Variants in STIMATE observed in about 807,000 individuals in gnomAD.
STIMATE encodes the protein STIM activating enhancer, also known as store-operated calcium entry regulator STIMATE.
A neutral mutation model predicts 36.7 loss-of-function variants in STIMATE; 15 were observed. The observed-to-expected ratio is 0.41, with a 90% CI of 0.27 to 0.63. STIMATE has a LOEUF of 0.63. Among genes scored for constraint, STIMATE ranks in the 20% least tolerant of loss-of-function variants. The pLI is 0.32. For synonymous variants in STIMATE, 163 were observed against 162.3 expected (o/e 1.00, Z -0.03); for missense variants, 305 against 397.3 (o/e 0.77, Z 1.98).
At chr3:52,876,195 G>A (rs1701501198) in intron 1 of STIMATE, among the ~76,000 whole-genome samples, 1 of 152,168 alleles carries the variant, frequency 6.6e-6, no homozygotes, top group African/African-American at 2.4e-5. Context: ...ATTTTCAGAT[G>A]GCAAAACTGA....
chr3:52,897,202 T>C (rs1195650089), intron 1 of STIMATE, 89 bp downstream of exon 1: 7 of 1,484,768 alleles, frequency 4.7e-6, no homozygotes, highest in South Asian at 2.5e-5. Context: ...TCCCAAGGCC[T>C]GAACTCTCCG....
intron 1 of STIMATE, among the ~76,000 whole-genome samples, chr3:52,880,167 G>C (rs571618059): frequency 8.6e-4 from 131 of 152,268 alleles, no homozygotes; most frequent in Non-Finnish European, 1.8e-3. Flanking sequence ...TTAGGGCCCG[G>C]GTGGGGCCCT....
chr3:52,894,192 A>G (rs1315829172), intron 1 of STIMATE, among the ~76,000 whole-genome samples: 2 of 152,244 alleles, frequency 1.3e-5, no homozygotes, highest in Admixed American at 6.5e-5. Context: ...CTAAGTGGAA[A>G]GTATCTTCAT....
chr3:52,862,816 C>G (rs543302653), intron 1 of STIMATE, among the ~76,000 whole-genome samples: 10 of 152,034 alleles, frequency 6.6e-5, no homozygotes, highest in Non-Finnish European at 1.3e-4. Flanking sequence ...TCATTCTGGA[C>G]TAATCTGGTG....
chr3:52,840,698 A>AAAT, intron 7 of STIMATE, 88 bp from the exon 8 acceptor site: 1 of 1,050,024 alleles, frequency 9.5e-7, no homozygotes, highest in Non-Finnish European at 1.3e-6. Flanking sequence ...TTCAAGTCTC[A>AAAT]TGTTTTTTTT....
At position 52,836,904 on chromosome 3, in the gene STIMATE, A is replaced by G. The variant is rs1446664781; in HGVS notation, c.*3590T>C. 4.6e-6 allele frequency: 1 copy of G among 216,178 alleles called. No individual in the cohort carries two copies. Among genetic ancestry groups the G allele is most frequent in the South Asian group, 6.4e-5 (1 of 15,624 alleles). The allele number at this position is 216,178 out of a possible 1,614,324, so 13.4% of individuals were successfully genotyped here. On this transcript the variant is annotated 3_prime_UTR_variant, in exon 8 of 8. Transcript: ENST00000355083. ...TGAAGTGGGCCATGGTTTTCCTTGC[A>G]TAGGTCTGACTTCTAACAAACTTCA...
chr3:52,846,128 G>C (rs1700895494), intron 4 of STIMATE, among the ~76,000 whole-genome samples: 1 of 152,230 alleles, frequency 6.6e-6, no homozygotes, highest in Non-Finnish European at 1.5e-5. Context: ...ACTTTATGCA[G>C]CTGCAATGGA....
chr3:52,885,283 A>T (rs1434328327), intron 1 of STIMATE, among the ~76,000 whole-genome samples: 1 of 151,916 alleles, frequency 6.6e-6, no homozygotes, highest in Non-Finnish European at 1.5e-5. Context: ...GAGTTCTAAG[A>T]ATTCTTTACA....
chr3:52,896,019 A>G, intron 1 of STIMATE: 1 of 1,179,726 alleles, frequency 8.5e-7, no homozygotes, highest in Non-Finnish European at 1.1e-6. Context: ...ACTAAAAAGG[A>G]AAGAAAAAGT....
intron 1 of STIMATE, 127 bp downstream of exon 1, chr3:52,897,164 T>G: frequency 7.8e-7 from 1 of 1,274,822 alleles, no homozygotes; most frequent in Non-Finnish European, 1.0e-6. Flanking sequence ...ATACCCAGCC[T>G]GGGTTTGCGG....
At position 52,897,479 on chromosome 3, in the gene STIMATE, C is replaced by T. The variant is rs1206174684; in HGVS notation, c.-29G>A. On this transcript the variant is annotated 5_prime_UTR_variant, in exon 1 of 8. Transcript: ENST00000355083. ...AGGCCTCGCGGGAGGGGCGCGAGGG[C>T]CCAGGGCCCGCCCGGCCTCGCTGCC... 1.6e-6 allele frequency: 2 copies of T among 1,226,640 alleles called. No homozygotes were observed. Among genetic ancestry groups the T allele is most frequent in the Non-Finnish European group, 2.0e-6 (2 of 985,554 alleles). 76.0% of individuals were successfully genotyped at this position (1,226,640 alleles called of 1,614,324 possible).
At chr3:52,889,336 G>A (rs988421521) in intron 1 of STIMATE, among the ~76,000 whole-genome samples, 31 of 152,166 alleles carry the variant, frequency 2.0e-4, no homozygotes, top group African/African-American at 6.3e-4. Flanking sequence ...CTAAGCTGGC[G>A]ATCTGTGCCC....
At chr3:52,849,351 G>A (rs946839296) in intron 4 of STIMATE, among the ~76,000 whole-genome samples, 5 of 152,236 alleles carry the variant, frequency 3.3e-5, no homozygotes, top group East Asian at 1.9e-4. Flanking sequence ...CAGATGTGCA[G>A]CAGAAAGAGG....
intron 1 of STIMATE, among the ~76,000 whole-genome samples, chr3:52,879,091 G>A (rs1010174911): frequency 3.3e-5 from 5 of 152,234 alleles, no homozygotes; most frequent in African/African-American, 4.8e-5. Flanking sequence ...AGGAAGACCA[G>A]TTCTTCTCAT....
chr3:52,856,073 G>A (rs1333089096), intron 1 of STIMATE, among the ~76,000 whole-genome samples: 1 of 152,220 alleles, frequency 6.6e-6, no homozygotes, highest in African/African-American at 2.4e-5. Context: ...AGCCCTGAAG[G>A]CTGGGTAAGA....
rs138500617 is a variant in STIMATE, at chr3:52,842,837, C to T, written c.742G>A (p.Ala248Thr). ...NGSKVRYRRAASHEESESEIL... is the reference protein window; with the variant it reads ...NGSKVRYRRATSHEESESEIL... ...TCAGACTCAGACTCCTCGTGGGATG[C>T]GGCCCTCCGGTAGCGGACCTTGCTC... is the stretch of plus-strand genomic sequence containing the variant. The change falls in exon 7 of 8, where the codon GCA (alanine) becomes ACA (threonine). Residue 248 changes from alanine to threonine, a missense_variant. Ala to Thr is a moderately conservative substitution (Grantham distance 58). This residue lies in a region of STIMATE where 84 missense variants were observed against 82.4 expected (regional missense o/e 1.02). Transcript: ENST00000355083. 16,853 of 1,614,198 alleles carry T rather than the reference C, an allele frequency of 0.01. 96 individuals carry two copies. The highest frequency in any genetic ancestry group is 0.015 in the Middle Eastern group (93 of 6,056).
chr3:52,836,791 T>C lies in STIMATE; in HGVS notation c.*3703A>G, dbSNP rs1700708587. On this transcript the variant is annotated 3_prime_UTR_variant, in exon 8 of 8. Transcript: ENST00000355083. ...AACTTTATTGTAAACCATTTTACAA[T>C]GTAAGTACATCATCTTCTCTTTCAT... The C allele has an allele frequency of 2.8e-5, 9 of 318,976 alleles. No homozygotes were observed. The highest frequency in any genetic ancestry group is 8.6e-5 in the African/African-American group (4 of 46,374). The allele number at this position is 318,976 out of a possible 1,614,324, so 19.8% of individuals were successfully genotyped here.
intron 1 of STIMATE, among the ~76,000 whole-genome samples, chr3:52,866,143 G>A (rs1469987398): frequency 6.6e-6 from 1 of 152,232 alleles, no homozygotes; most frequent in Non-Finnish European, 1.5e-5. Context: ...TACATCAAAA[G>A]CTATGTGCGG....
chr3:52,843,941 T>A, intron 5 of STIMATE, 143 bp from the exon 6 acceptor site: 1 of 1,083,326 alleles, frequency 9.2e-7, no homozygotes, highest in Non-Finnish European at 1.3e-6. Context: ...ACCTCATGCC[T>A]AGGGTTCCCA....
Sources: allele counts gnomAD v4.1 joint callset (sites outside exome capture counted in the v4.1 genomes callset), GRCh38; gene constraint gnomAD v4.1.1; regional missense constraint gnomAD v4.1.1; transcripts MANE v1.5; gene names NCBI Gene and HGNC (gene_info 2026-07-23, HGNC 2026-07-21).